Variants in FCGR2A observed in about 807,000 individuals in gnomAD.
FCGR2A encodes the protein low affinity immunoglobulin gamma Fc region receptor II-a.
A neutral mutation model predicts 29.3 loss-of-function variants in FCGR2A; 18 were observed. The ratio of observed to expected loss-of-function variants is 0.62; its 90% CI spans 0.43 to 0.91. The LOEUF (loss-of-function observed/expected upper bound fraction) is 0.91. Among genes scored for constraint, FCGR2A ranks in the 40% least tolerant of loss-of-function variants. The probability of loss-of-function intolerance (pLI) is 0.00; values close to 1 mark genes in which losing one functional copy is unlikely to be tolerated. For missense variants in FCGR2A, 287 were observed against 393.0 expected (o/e 0.73, Z 2.28); for synonymous variants, 126 against 144.8 (o/e 0.87, Z 0.93).
chr1:161,517,505 A>G (rs1676217219), intron 6 of FCGR2A, among the ~76,000 whole-genome samples: 1 of 152,176 alleles, frequency 6.6e-6, no homozygotes, highest in Non-Finnish European at 1.5e-5. Context: ...GGAATAGGAA[A>G]ACAGAATAAT....
chr1:161,518,439 A>T lies in FCGR2A; in HGVS notation c.*291A>T. 1 of 468,316 alleles carries T rather than the reference A, an allele frequency of 2.1e-6. No homozygotes were observed. The highest frequency in any genetic ancestry group is 3.9e-5 in the Admixed American group (1 of 25,674). 29.0% of individuals were successfully genotyped at this position (468,316 alleles called of 1,614,324 possible). ...ATCACAAGCAGCCTACTAACATATA[A>T]TTAGGTGACTAGGGACTTTCTAAGA... is the stretch of plus-strand genomic sequence containing the variant. On this transcript the variant is annotated 3_prime_UTR_variant, in exon 7 of 7. Transcript: ENST00000271450.
intron 3 of FCGR2A, among the ~76,000 whole-genome samples, chr1:161,508,461 G>A (rs1675562136): frequency 6.6e-6 from 1 of 151,842 alleles, no homozygotes. Flanking sequence ...GATGGCGCAT[G>A]CCTGTAATCC....
Position 161,506,841 on chromosome 1 carries a change from G to T in FCGR2A, c.364+250G>T, listed in dbSNP as rs970186809. The T allele has an allele frequency of 5.9e-6, 4 of 681,708 alleles. No individual in the cohort carries two copies. The African/African-American group carries it at 7.2e-5, about 12-fold the overall frequency. 42.2% of individuals were successfully genotyped at this position (681,708 alleles called of 1,614,324 possible). Reference sequence around the variant, plus strand: ...GCCTCAGTCTTGATTGAGCAAGGGGGTTACGAGGCCACAAACAGCTGAGTG... The same window carrying T: ...GCCTCAGTCTTGATTGAGCAAGGGGTTTACGAGGCCACAAACAGCTGAGTG... On this transcript the variant is annotated intron_variant, in intron 3 of 6. Transcript: ENST00000271450.
downstream of FCGR2A, among the ~76,000 whole-genome samples, chr1:161,521,580 A>G (rs1218228285): frequency 6.6e-6 from 1 of 152,038 alleles, no homozygotes; most frequent in African/African-American, 2.4e-5. Flanking sequence ...CCCGAATATC[A>G]TCTTGAATTC....
chr1:161,511,326 G>T (rs560692883), intron 5 of FCGR2A, among the ~76,000 whole-genome samples: 2 of 152,102 alleles, frequency 1.3e-5, no homozygotes, highest in Admixed American at 1.3e-4. Flanking sequence ...CTTATATGAG[G>T]GGGGAGTAGA....
chr1:161,507,557 G>C (rs566374658), intron 3 of FCGR2A, among the ~76,000 whole-genome samples: 1 of 152,210 alleles, frequency 6.6e-6, no homozygotes, highest in Non-Finnish European at 1.5e-5. Context: ...AGATTCTCCT[G>C]TTCAACACTG....
chr1:161,516,276 C>T (rs1446844718), intron 6 of FCGR2A, among the ~76,000 whole-genome samples: 1 of 152,040 alleles, frequency 6.6e-6, no homozygotes, highest in Non-Finnish European at 1.5e-5. Context: ...AAAAAGTGTT[C>T]CACTTATCTT....
downstream of FCGR2A, chr1:161,523,204 C>A (rs1033068165): frequency 2.0e-5 from 3 of 152,128 alleles, no homozygotes; most frequent in Non-Finnish European, 2.9e-5. Context: ...GGGGTCGATT[C>A]CCCGACGGGG....
chr1:161,517,764 A>T (rs540879458), intron 6 of FCGR2A, among the ~76,000 whole-genome samples: 1 of 152,206 alleles, frequency 6.6e-6, no homozygotes, highest in East Asian at 1.9e-4. Flanking sequence ...AGCCTCCTAA[A>T]ATTTAAAAGA....
At chr1:161,522,976 A>G (rs1676512719), downstream of FCGR2A, 1 of 152,122 alleles carries the variant, frequency 6.6e-6, no homozygotes, top group South Asian at 2.1e-4. Context: ...GAAAATAGCC[A>G]TCTATGGAGT....
chr1:161,523,558 G>A (rs1676536479), downstream of FCGR2A: 1 of 152,054 alleles, frequency 6.6e-6, no homozygotes, highest in Non-Finnish European at 1.5e-5. Context: ...CTCTGGAGAC[G>A]AGGCTCCTCG....
At chr1:161,511,047 T>C in intron 5 of FCGR2A, 91 bp downstream of exon 5, 1 of 1,580,112 alleles carries the variant, frequency 6.3e-7, no homozygotes, top group South Asian at 1.1e-5. Context: ...CTCTTAGGGC[T>C]AGATATGCAT....
chr1:161,505,534 A>T lies in FCGR2A; in HGVS notation c.67A>T (p.Thr23Ser), dbSNP rs759636337. The change falls in exon 1 of 7, where the codon ACA becomes TCA. Residue 23 changes from threonine to serine, a missense_variant. Around this residue, in one of 3 missense-constraint regions of FCGR2A, gnomAD observed 181 missense variants for 250.9 expected, o/e 0.72. Coordinates refer to ENST00000271450, the MANE Select transcript of FCGR2A (RefSeq NM_001136219.3). The stretch of plus-strand genomic sequence containing the variant: ...AAACCTGTGGCTGCTTCAACCATTG[A>T]CAGTTTTGCTGCTGCTGGGTGAGTG... ...PRNLWLLQPL[T>S]VLLLLASADS... 6.2e-7 allele frequency: 1 copy of T among 1,613,982 alleles called. No homozygotes were observed. The highest frequency in any genetic ancestry group is 1.3e-5 in the African/African-American group (1 of 74,906).
At position 161,518,133 on chromosome 1, in the gene FCGR2A, C is replaced by G; in HGVS notation, c.939C>G (p.Val313=). The stretch of plus-strand genomic sequence containing the variant: ...TGACTCTTCCTCCCAACGACCATGT[C>G]AACAGTAATAACTAAAGAGTAACGT... ...IYLTLPPNDH[V]NSNN is the part of the protein sequence containing the mutation. The change falls in exon 7 of 7, where the codon GTC becomes GTG. Residue 313 remains valine (V), a synonymous_variant. Transcript: ENST00000271450. 6.2e-7 allele frequency: 1 copy of G among 1,613,682 alleles called. No homozygotes were observed. The highest frequency in any genetic ancestry group is 8.5e-7 in the Non-Finnish European group (1 of 1,179,852).
intron 4 of FCGR2A, 23 bp downstream of exon 4, chr1:161,510,097 T>G: frequency 6.2e-7 from 1 of 1,611,832 alleles, no homozygotes; most frequent in Non-Finnish European, 8.5e-7. Context: ...TGCCAAGATG[T>G]AGGGAGGGGA....
chr1:161,520,327 G>A (rs1414584061), downstream of FCGR2A, among the ~76,000 whole-genome samples: 2 of 152,248 alleles, frequency 1.3e-5, no homozygotes, highest in East Asian at 1.9e-4. Context: ...GCACATGATG[G>A]CAGGACAGAG....
intron 5 of FCGR2A, among the ~76,000 whole-genome samples, chr1:161,511,604 T>C (rs553206344): frequency 2.5e-4 from 38 of 152,104 alleles, no homozygotes; most frequent in South Asian, 8.3e-4. Flanking sequence ...CTTTTCCAGG[T>C]GGGAGCAGCC....
At position 161,510,070 on chromosome 1, in the gene FCGR2A, C is replaced by CCTT. The variant is rs150311303; in HGVS notation, c.616_617insTTC (p.Val205_Gln206insLeu). ...CATCCAAGCCTGTGACCATCACTGT[C>CCTT]CAAGGTATGGGGAGTCTGCCAAGAT... On this transcript the variant is annotated inframe_insertion, in exon 4 of 7. Transcript: ENST00000271450. The CCTT allele has an allele frequency of 1.1e-3, 1,764 of 1,613,908 alleles. 11 individuals are homozygous for CCTT. In the African/African-American group the frequency reaches 0.021, roughly 19 times the overall value.
At chr1:161,516,073 A>G (rs1308324456) in intron 6 of FCGR2A, among the ~76,000 whole-genome samples, 2 of 152,072 alleles carry the variant, frequency 1.3e-5, no homozygotes, top group Non-Finnish European at 2.9e-5. Context: ...ATGAAAGTGA[A>G]TATTCCACCT....
Sources: gnomAD v4.1 joint callset for allele counts (sites outside exome capture counted in the v4.1 genomes callset) on GRCh38, gnomAD v4.1.1 for gene constraint, gnomAD v4.1.1 regional missense constraint, MANE v1.5 for transcripts, NCBI Gene and HGNC (gene_info 2026-07-23, HGNC 2026-07-21) for gene names.